Variants in MCM3AP observed in about 807,000 individuals in gnomAD.
MCM3AP encodes minichromosome maintenance complex component 3 associated protein.
MCM3AP carries 126 observed loss-of-function variants against 184.1 expected under a neutral mutation model. The observed-to-expected ratio is 0.68, with a 90% CI of 0.59 to 0.79. MCM3AP has a LOEUF of 0.79. MCM3AP is among the 30% of genes least tolerant of loss of function. The pLI, the probability that MCM3AP is intolerant of heterozygous loss-of-function variation, is 0.00. For synonymous variants in MCM3AP, 1,002 were observed against 979.3 expected, an observed-to-expected ratio of 1.02 and a Z score of -0.43; for missense variants, 2,496 against 2,479.2, an observed-to-expected ratio of 1.01 and a Z score of -0.14.
chr21:46,257,090 G>A, intron 16 of MCM3AP, 104 bp from the exon 17 acceptor site: 1 of 1,453,512 alleles, frequency 6.9e-7, no homozygotes, highest in Admixed American at 2.3e-5. Context: ...GACATCAAAT[G>A]AGTGTGGTGA....
chr21:46,257,924 CA>C (rs5844261), intron 16 of MCM3AP, among the ~76,000 whole-genome samples: 85 of 97,036 alleles, frequency 8.8e-4, no homozygotes, highest in East Asian at 1.4e-3. Flanking sequence ...GACTCCATCT[CA>C]AAAAAAAAAA....
chr21:46,272,647 C>T lies in MCM3AP; in HGVS notation c.2379G>A (p.Leu793=). ...LQSLKEMYQD[L]RNKGVFCASE... ...TGGCACAGAAGACACCCTTGTTTCT[C>T]AGGTCCTGGTACATCTCCTTCAGGC... Residue 793 remains leucine, a synonymous_variant, in exon 8 of 28, where the codon CTG becomes CTA. Coordinates refer to ENST00000291688, the MANE Select transcript of MCM3AP (RefSeq NM_003906.5). 1 of 1,614,222 alleles carries T rather than the reference C, an allele frequency of 6.2e-7. No homozygotes were observed. Among genetic ancestry groups the T allele is most frequent in the Non-Finnish European group, 8.5e-7 (1 of 1,180,026 alleles).
intron 17 of MCM3AP, among the ~76,000 whole-genome samples, chr21:46,256,295 G>A (rs907269669): frequency 6.6e-6 from 1 of 152,166 alleles, no homozygotes; most frequent in Admixed American, 6.5e-5. Flanking sequence ...GAGGACCAGG[G>A]CCACACCAAG....
intron 16 of MCM3AP, among the ~76,000 whole-genome samples, chr21:46,257,876 G>C (rs1601513967): frequency 6.9e-6 from 1 of 144,582 alleles, no homozygotes; most frequent in Admixed American, 7.2e-5. Flanking sequence ...AGTGAGCTGT[G>C]ATTGCGCCAC....
Position 46,285,116 on chromosome 21 carries a change from G to C in MCM3AP, c.171C>G (p.Ser57Arg). 6.2e-7 allele frequency: 1 copy of C among 1,614,218 alleles called. No homozygotes were observed. Among genetic ancestry groups the C allele is most frequent in the Non-Finnish European group, 8.5e-7 (1 of 1,180,036 alleles). Residue 57 changes from serine to arginine, a missense_variant, in exon 1 of 28, where the codon AGC becomes AGG. Physicochemically the swap from Ser to Arg is moderately radical, Grantham distance 110 (BLOSUM62 -1). Transcript: ENST00000291688. Reference sequence around the variant, plus strand: ...GACTTACTCCAGAAGACGCTGGAAAGCTGGATACCTGTGAAAATCCCGAGC... The same window carrying C: ...GACTTACTCCAGAAGACGCTGGAAACCTGGATACCTGTGAAAATCCCGAGC... Reference protein sequence around the residue: ...GKSSGFSQVSSFPASSGVSHS... With the variant: ...GKSSGFSQVSRFPASSGVSHS...
Position 46,236,912 on chromosome 21 carries a change from GA to G in MCM3AP, c.5700del (p.Leu1902SerfsTer7). On this transcript the variant is annotated frameshift_variant, in exon 27 of 28. Transcript: ENST00000291688. LOFTEE classifies it high-confidence loss of function. ...ACTAGAGTCTGAGGAAGATAGAGGG[GA>G]AGGGAAGTTAAATCCGTAAATGCTC... ...DSGAFTDLTSLPLYLPQTLVS... is the reference protein window; with the variant it reads ...DSGAFTDLTSXPLYLPQTLVS... The G allele has an allele frequency of 6.3e-7, 1 of 1,575,784 alleles. No individual in the cohort carries two copies. The highest frequency in any genetic ancestry group is 8.6e-7 in the Non-Finnish European group (1 of 1,166,260).
At chr21:46,277,749 G>T in intron 4 of MCM3AP, 32 bp from the exon 5 acceptor site, 1 of 1,375,648 alleles carries the variant, frequency 7.3e-7, no homozygotes, top group Non-Finnish European at 9.8e-7. Flanking sequence ...GAGGGCCCTC[G>T]TCCCAGGAAG....
At chr21:46,261,909 C>T (rs904707300) in intron 13 of MCM3AP, among the ~76,000 whole-genome samples, 2 of 152,240 alleles carry the variant, frequency 1.3e-5, no homozygotes, top group Admixed American at 6.5e-5. Flanking sequence ...CTCATTGGAG[C>T]ATTTTAGAAT....
chr21:46,245,357 G>C (rs534963019), intron 22 of MCM3AP, among the ~76,000 whole-genome samples, 160 bp from the exon 23 acceptor site: 7 of 152,312 alleles, frequency 4.6e-5, no homozygotes, highest in African/African-American at 1.7e-4. Flanking sequence ...CTATGCAGTT[G>C]AGTTTAGCCT....
At position 46,235,170 on chromosome 21, in the gene MCM3AP, C is replaced by T; in HGVS notation, c.*98G>A. 1 of 1,271,854 alleles carries T rather than the reference C, an allele frequency of 7.9e-7. No individual in the cohort carries two copies. The highest frequency in any genetic ancestry group is 1.1e-6 in the Non-Finnish European group (1 of 907,016). The allele number at this position is 1,271,854 out of a possible 1,614,324, so 78.8% of individuals were successfully genotyped here. On this transcript the variant is annotated 3_prime_UTR_variant, in exon 28 of 28. Transcript: ENST00000291688. ...GGTTTATCTGCATGATTAAATTAAT[C>T]ACATTTCCAACAGTGCATCAAGCAT...
chr21:46,241,212 A>G, intron 25 of MCM3AP, 195 bp from the exon 26 acceptor site: 1 of 588,052 alleles, frequency 1.7e-6, no homozygotes, highest in Non-Finnish European at 3.0e-6. Flanking sequence ...GAGTGGAGCA[A>G]AGAGGGAAGG....
At chr21:46,280,172 A>G in intron 3 of MCM3AP, 35 bp from the exon 4 acceptor site, 1 of 1,606,472 alleles carries the variant, frequency 6.2e-7, no homozygotes, top group Non-Finnish European at 8.5e-7. Flanking sequence ...AGTTTATGCA[A>G]TCACAGATCA....
At chr21:46,249,700 GC>G (rs2080838579) in intron 20 of MCM3AP, 1 of 412,988 alleles carries the variant, frequency 2.4e-6, no homozygotes, top group African/African-American at 2.1e-5. Flanking sequence ...TACTGCAGCT[GC>G]TGCTAATGGC....
chr21:46,271,965 A>G (rs919957837), intron 8 of MCM3AP, among the ~76,000 whole-genome samples: 1 of 151,866 alleles, frequency 6.6e-6, no homozygotes, highest in Non-Finnish European at 1.5e-5. Flanking sequence ...TTCACCATTG[A>G]TAGGGGATTC....
chr21:46,271,633 T>TG, intron 8 of MCM3AP, among the ~76,000 whole-genome samples: 2 of 152,110 alleles, frequency 1.3e-5, no homozygotes, highest in South Asian at 4.2e-4. Context: ...CCGAGGCAGG[T>TG]GGATCACCTG....
At chr21:46,270,162 T>C (rs1199096220) in intron 9 of MCM3AP, 1 of 363,390 alleles carries the variant, frequency 2.8e-6, no homozygotes, top group Non-Finnish European at 4.9e-6. Context: ...CCCAAAGAGA[T>C]TTTTCTTATT....
Position 46,284,392 on chromosome 21 carries a change from G to C in MCM3AP, c.895C>G (p.Arg299Gly), listed in dbSNP as rs778151923. 1.9e-6 allele frequency: 3 copies of C among 1,614,180 alleles called. No individual in the cohort carries two copies. Among genetic ancestry groups the C allele is most frequent in the Admixed American group, 3.3e-5 (2 of 60,014 alleles). ...KGLKRKEDQD[R>G]SPRRHGHEPA... is the part of the protein sequence containing the mutation. ...TCGTGGCCATGTCTCCTTGGGGAGC[G>C]ATCCTGGTCCTCCTTCCTTTTCAGT... Residue 299 changes from arginine (R) to glycine (G), a missense_variant, in exon 1 of 28, where the codon CGC (arginine) becomes GGC (glycine). Transcript: ENST00000291688.
At position 46,285,610 on chromosome 21, in the gene MCM3AP, AT is replaced by A. The variant is rs1220983403; in HGVS notation, c.-325del. The A allele has an allele frequency of 2.4e-5, 5 of 205,200 alleles. No homozygotes were observed. The Admixed American group carries it at 3.2e-4, about 13-fold the overall frequency. The allele number at this position is 205,200 out of a possible 1,614,324, so 12.7% of individuals were successfully genotyped here. ...GAGGTTTAAAGCGTGATCCTTTAAG[AT>A]TAAAAAAAAAAAAGCCGAATCTTTT... On this transcript the variant is annotated 5_prime_UTR_variant, in exon 1 of 28. Transcript: ENST00000291688.
intron 13 of MCM3AP, among the ~76,000 whole-genome samples, chr21:46,262,465 T>C (rs976684224): frequency 2.0e-5 from 3 of 151,422 alleles, no homozygotes; most frequent in African/African-American, 7.3e-5. Context: ...CTGGGCAACA[T>C]AGAGAGACCC....
Sources: gnomAD v4.1 joint callset for allele counts (sites outside exome capture counted in the v4.1 genomes callset) on GRCh38, gnomAD v4.1.1 for gene constraint, MANE v1.5 for transcripts, NCBI Gene and HGNC (gene_info 2026-07-23, HGNC 2026-07-21) for gene names.